Variants in SHISA9 observed in about 807,000 individuals in gnomAD.
The protein encoded by SHISA9 is shisa family member 9.
SHISA9 carries 13 observed loss-of-function variants against 38.0 expected under a neutral mutation model. That is an observed-to-expected ratio of 0.34 (90% CI 0.22 to 0.54). The LOEUF is 0.54. SHISA9 is among the 20% of genes least tolerant of loss of function. SHISA9 has a pLI of 0.91. For synonymous variants in SHISA9, 275 were observed against 242.0 expected, an observed-to-expected ratio of 1.14 and a Z score of -1.27; for missense variants, 538 against 575.8, an observed-to-expected ratio of 0.93 and a Z score of 0.67.
At chr16:13,076,880 A>T (rs760838576) in intron 2 of SHISA9, among the ~76,000 whole-genome samples, 1 of 152,166 alleles carries the variant, frequency 6.6e-6, no homozygotes, top group African/African-American at 2.4e-5. Flanking sequence ...GGCCCTCAGT[A>T]AATATTTGTT....
intron 4 of SHISA9, among the ~76,000 whole-genome samples, chr16:13,234,582 A>G (rs960069387): frequency 3.9e-5 from 6 of 152,236 alleles, no homozygotes; most frequent in Non-Finnish European, 7.3e-5. Context: ...TAAAAATACC[A>G]GAAGAAAATA....
chr16:13,231,919 T>C (rs2051335192), intron 4 of SHISA9, among the ~76,000 whole-genome samples: 1 of 152,224 alleles, frequency 6.6e-6, no homozygotes, highest in Admixed American at 6.5e-5. Context: ...AGTTTAATCA[T>C]TTTATATGCC....
intron 2 of SHISA9, among the ~76,000 whole-genome samples, chr16:13,169,844 G>A (rs1375304513): frequency 1.3e-5 from 2 of 152,084 alleles, no homozygotes; most frequent in Non-Finnish European, 2.9e-5. Context: ...GGTTGCACTG[G>A]GTTTCTGGCT....
the SHISA9 span, among the ~76,000 whole-genome samples, chr16:13,411,643 C>A: frequency 6.6e-6 from 1 of 152,192 alleles, no homozygotes; most frequent in African/African-American, 2.4e-5. Flanking sequence ...TTGGCAGTAT[C>A]TCTGAATTCC....
At chr16:13,051,175 G>C (rs1326453621) in intron 2 of SHISA9, among the ~76,000 whole-genome samples, 1 of 152,214 alleles carries the variant, frequency 6.6e-6, no homozygotes, top group Non-Finnish European at 1.5e-5. Flanking sequence ...AGGTTGAATG[G>C]ACTCACAGTT....
At chr16:13,127,374 AAG>A (rs1301795733) in intron 2 of SHISA9, among the ~76,000 whole-genome samples, 1 of 114,006 alleles carries the variant, frequency 8.8e-6, no homozygotes, top group Non-Finnish European at 1.8e-5. Flanking sequence ...GGAGAGAGAA[AAG>A]AGAGGGAGGG....
intron 2 of SHISA9, among the ~76,000 whole-genome samples, chr16:13,029,977 GATA>G (rs2141876052): frequency 6.6e-6 from 1 of 152,320 alleles, no homozygotes; most frequent in Non-Finnish European, 1.5e-5. Context: ...GTGAACGGAG[GATA>G]ATTATAGGAC....
At chr16:12,950,617 GTT>G (rs879473295) in intron 2 of SHISA9, among the ~76,000 whole-genome samples, 1 of 143,538 alleles carries the variant, frequency 7.0e-6, no homozygotes. Context: ...CTTTTAATTT[GTT>G]TTTTTTTTTT....
intron 2 of SHISA9, among the ~76,000 whole-genome samples, chr16:13,104,367 G>A (rs1437308917): frequency 6.6e-6 from 1 of 152,078 alleles, no homozygotes; most frequent in African/African-American, 2.4e-5. Flanking sequence ...CAAGAGAAGT[G>A]AAAGCATATG....
intron 2 of SHISA9, among the ~76,000 whole-genome samples, chr16:13,055,929 G>C (rs529937941): frequency 6.6e-6 from 1 of 152,324 alleles, no homozygotes; most frequent in African/African-American, 2.4e-5. Context: ...ATGCCCACAG[G>C]GAAGTTGCCA....
chr16:13,215,693 G>T (rs1322777257), intron 4 of SHISA9, among the ~76,000 whole-genome samples: 3 of 152,154 alleles, frequency 2.0e-5, no homozygotes, highest in African/African-American at 7.2e-5. Context: ...AACTTCACCT[G>T]TCCTGCTAAA....
At chr16:13,503,901 A>T in the SHISA9 span, among the ~76,000 whole-genome samples, 1 of 152,230 alleles carries the variant, frequency 6.6e-6, no homozygotes, top group Admixed American at 6.5e-5. Flanking sequence ...CCCACGATAG[A>T]ATAAACAGGA....
At chr16:12,998,751 A>T (rs1284043958) in intron 2 of SHISA9, among the ~76,000 whole-genome samples, 1 of 152,168 alleles carries the variant, frequency 6.6e-6, no homozygotes, top group East Asian at 1.9e-4. Flanking sequence ...TGTATTGCCA[A>T]GGCTGAAAAT....
At chr16:13,476,738 G>GTGTTTTTTTTT in the SHISA9 span, among the ~76,000 whole-genome samples, 4 of 65,182 alleles carry the variant, frequency 6.1e-5, no homozygotes, top group African/African-American at 2.2e-4. Flanking sequence ...CCTGTTTTGT[G>GTGTTTTTTTTT]TTTTTTTTTT....
Position 12,986,589 on chromosome 16 carries a change from A to G in SHISA9, c.691+69774A>G, listed in dbSNP as rs72782690. Among the ~76,000 whole-genome samples, 705 of 152,160 alleles carry G rather than the reference A, an allele frequency of 4.6e-3. 3 individuals are homozygous for G. Among genetic ancestry groups the G allele is most frequent in the Non-Finnish European group, 7.9e-3 (539 of 67,994 alleles). ...CTTTTCAGACTGGATATTGGAGGGGATGGCTGAATCCCACGGGGAAGATCC... is the reference window on the plus strand; with the variant it reads ...CTTTTCAGACTGGATATTGGAGGGGGTGGCTGAATCCCACGGGGAAGATCC... On this transcript the variant is annotated intron_variant, in intron 2 of 4. Coordinates refer to ENST00000558583, the MANE Select transcript of SHISA9 (RefSeq NM_001145204.3).
At chr16:13,089,143 A>G (rs986878820) in intron 2 of SHISA9, among the ~76,000 whole-genome samples, 1 of 152,228 alleles carries the variant, frequency 6.6e-6, no homozygotes, top group Admixed American at 6.5e-5. Flanking sequence ...CCAGCCTTGT[A>G]TCCCAGGGAT....
At chr16:13,168,561 C>G (rs1325882678) in intron 2 of SHISA9, among the ~76,000 whole-genome samples, 2 of 152,216 alleles carry the variant, frequency 1.3e-5, no homozygotes, top group Non-Finnish European at 2.9e-5. Context: ...AAAGCCTTGT[C>G]TCTCTACTAC....
At chr16:13,009,053 T>A (rs1053855397) in intron 2 of SHISA9, among the ~76,000 whole-genome samples, 1 of 151,766 alleles carries the variant, frequency 6.6e-6, no homozygotes, top group African/African-American at 2.4e-5. Flanking sequence ...TTCATGAATG[T>A]CCGTTATGTT....
chr16:13,243,020 C>G (rs982147019), downstream of SHISA9, among the ~76,000 whole-genome samples: 7 of 152,082 alleles, frequency 4.6e-5, no homozygotes, highest in Admixed American at 2.0e-4. Flanking sequence ...AAGGGCAGAT[C>G]ACGAGGTCAG....
Sources: allele counts gnomAD v4.1 joint callset (sites outside exome capture counted in the v4.1 genomes callset), GRCh38; gene constraint gnomAD v4.1.1; transcripts MANE v1.5; gene names NCBI Gene and HGNC (gene_info 2026-07-23, HGNC 2026-07-21).